The following TMPRSS9 variants were observed in gnomAD, a reference collection of about 807,000 sequenced individuals.
TMPRSS9 encodes the protein transmembrane serine protease 9.
A neutral mutation model predicts 111.4 loss-of-function variants in TMPRSS9; 113 were observed. The observed-to-expected ratio is 1.01, with a 90% CI of 0.87 to 1.19. The LOEUF (loss-of-function observed/expected upper bound fraction) is 1.19, where lower values mean the gene tolerates loss of function less well. Ranked by LOEUF, TMPRSS9 falls within the 50% of genes most tolerant of loss-of-function variation. The probability of loss-of-function intolerance (pLI) is 0.00; values close to 1 mark genes in which losing one functional copy is unlikely to be tolerated. For synonymous variants in TMPRSS9, 805 were observed against 659.1 expected, an observed-to-expected ratio of 1.22 and a Z score of -3.39; for missense variants, 1,803 against 1,513.1, an observed-to-expected ratio of 1.19 and a Z score of -3.18.
chr19:2,406,525 G>A (rs963686832), intron 7 of TMPRSS9, among the ~76,000 whole-genome samples: 14 of 149,522 alleles, frequency 9.4e-5, no homozygotes, highest in Middle Eastern at 3.6e-3. Flanking sequence ...AGTAGAGATG[G>A]GTTTTCGCCA....
At chr19:2,391,300 TG>T (rs1227170675) in intron 1 of TMPRSS9, among the ~76,000 whole-genome samples, 2 of 147,594 alleles carry the variant, frequency 1.4e-5, no homozygotes, top group African/African-American at 5.1e-5. Context: ...AACAGCAATT[TG>T]GGGAGAAATG....
At chr19:2,395,952 G>A (rs1197634959) in intron 1 of TMPRSS9, among the ~76,000 whole-genome samples, 1 of 152,188 alleles carries the variant, frequency 6.6e-6, no homozygotes, top group Non-Finnish European at 1.5e-5. Flanking sequence ...AGCTTGCAGT[G>A]AGCCGAGATT....
At chr19:2,363,812 G>GCGCA (rs1491106911) in intron 1 of TMPRSS9, among the ~76,000 whole-genome samples, 5 of 144,310 alleles carry the variant, frequency 3.5e-5, no homozygotes, top group Non-Finnish European at 6.0e-5. Flanking sequence ...GTGCGTGCGC[G>GCGCA]CGTGTGTGTG....
chr19:2,404,593 G>C (rs1008389532), intron 6 of TMPRSS9, among the ~76,000 whole-genome samples: 1 of 150,896 alleles, frequency 6.6e-6, no homozygotes, highest in Non-Finnish European at 1.5e-5. Context: ...TAAGATAGAA[G>C]ATACAAAGGA....
At chr19:2,425,154 G>A (rs761606897) in exon 16 of TMPRSS9, 15 of 1,573,920 alleles carry the variant, frequency 9.5e-6, no homozygotes, top group Non-Finnish European at 1.2e-5. Flanking sequence ...GAGCTGGCGG[G>A]GCCGGTGCGT....
chr19:2,389,316 T>C (rs901056299), upstream of TMPRSS9, among the ~76,000 whole-genome samples: 16 of 150,960 alleles, frequency 1.1e-4, no homozygotes, highest in Admixed American at 8.0e-4. Flanking sequence ...CTCAAGTGAT[T>C]CACCCACCTT....
At chr19:2,376,039 G>A (rs192830291) in intron 1 of TMPRSS9, among the ~76,000 whole-genome samples, 1 of 152,254 alleles carries the variant, frequency 6.6e-6, no homozygotes, top group Admixed American at 6.5e-5. Flanking sequence ...CCCAGGGAGC[G>A]TGTGTTGGCT....
intron 1 of TMPRSS9, among the ~76,000 whole-genome samples, chr19:2,391,977 A>G (rs1352335946): frequency 6.6e-6 from 1 of 151,978 alleles, no homozygotes; most frequent in African/African-American, 2.4e-5. Flanking sequence ...GCTGACCTCA[A>G]GTGATCCACC....
At chr19:2,365,493 C>T (rs1431128821) in intron 1 of TMPRSS9, among the ~76,000 whole-genome samples, 1 of 151,952 alleles carries the variant, frequency 6.6e-6, no homozygotes, top group Non-Finnish European at 1.5e-5. Context: ...ATGGCGTAGA[C>T]AACAGCTGTC....
chr19:2,399,482 A>T (rs1202844475), intron 4 of TMPRSS9, among the ~76,000 whole-genome samples: 3 of 152,200 alleles, frequency 2.0e-5, no homozygotes, highest in Non-Finnish European at 4.4e-5. Flanking sequence ...AGGCTGAGGC[A>T]GGAGAACTGC....
intron 14 of TMPRSS9, 141 bp from the exon 16 acceptor site, chr19:2,423,948 T>G: frequency 7.9e-6 from 7 of 884,986 alleles, no homozygotes; most frequent in Non-Finnish European, 1.0e-5. Flanking sequence ...CCTTTCCTGC[T>G]GAGTTTTCCT....
chr19:2,415,591 T>C lies in TMPRSS9; in HGVS notation c.1574-79T>C, dbSNP rs1379288532. 9 of 1,321,420 alleles carry C rather than the reference T, an allele frequency of 6.8e-6. No homozygotes were observed. In the African/African-American group the frequency reaches 1.2e-4, roughly 18 times the overall value. The allele number at this position is 1,321,420 out of a possible 1,614,324, so 81.9% of individuals were successfully genotyped here. On this transcript the variant is annotated intron_variant, in intron 10 of 17. Coordinates refer to ENST00000648592, the Ensembl canonical transcript of TMPRSS9. ...ATCTTCAGGGCCTGGCTGCAACCGGTGTCCTGGGACCACCCCACCGGATGC... is the reference window on the plus strand; with the variant it reads ...ATCTTCAGGGCCTGGCTGCAACCGGCGTCCTGGGACCACCCCACCGGATGC...
At chr19:2,361,854 G>A (rs117662384) in intron 1 of TMPRSS9, among the ~76,000 whole-genome samples, 9 of 152,264 alleles carry the variant, frequency 5.9e-5, no homozygotes, top group Non-Finnish European at 1.3e-4. Context: ...CTTGTGGGCC[G>A]CGTGGTGGCC....
chr19:2,368,540 A>G (rs1283966433), intron 1 of TMPRSS9, among the ~76,000 whole-genome samples: 1 of 152,060 alleles, frequency 6.6e-6, no homozygotes, highest in Non-Finnish European at 1.5e-5. Flanking sequence ...AGGTTTGGGC[A>G]GAGGTGGGAT....
intron 1 of TMPRSS9, among the ~76,000 whole-genome samples, chr19:2,395,880 T>C (rs1374146054): frequency 5.3e-5 from 8 of 151,720 alleles, no homozygotes; most frequent in East Asian, 3.9e-4. Context: ...TGGTCGTGGG[T>C]GCCTGTAGTC....
At chr19:2,426,016 G>A (rs1362632175) in exon 18 of TMPRSS9, 1 of 1,607,964 alleles carries the variant, frequency 6.2e-7, no homozygotes, top group Non-Finnish European at 8.5e-7. Context: ...GCTGTGGCCG[G>A]CCCCACTTCC....
At chr19:2,365,516 G>T (rs922653357) in intron 1 of TMPRSS9, among the ~76,000 whole-genome samples, 1 of 152,068 alleles carries the variant, frequency 6.6e-6, no homozygotes, top group Non-Finnish European at 1.5e-5. Context: ...TTCTATAAAC[G>T]GGCTTTGGCT....
exon 17 of TMPRSS9, chr19:2,425,458 G>A (rs985021997): frequency 4.4e-6 from 7 of 1,592,148 alleles, no homozygotes; most frequent in East Asian, 4.5e-5. Context: ...CATGCTGTGT[G>A]CCGGCTTCCC....
chr19:2,400,412 C>G (rs894916206), intron 4 of TMPRSS9, among the ~76,000 whole-genome samples: 3 of 151,848 alleles, frequency 2.0e-5, no homozygotes, highest in South Asian at 2.1e-4. Context: ...TGTGGTGGCA[C>G]GTGCCTGTAA....
Sources: gnomAD v4.1 joint callset for allele counts (sites outside exome capture counted in the v4.1 genomes callset) on GRCh38, gnomAD v4.1.1 for gene constraint, MANE v1.5 for transcripts, NCBI Gene and HGNC (gene_info 2026-07-23, HGNC 2026-07-21) for gene names.